Variants in IQCJ observed in about 807,000 individuals in gnomAD.
IQCJ encodes the protein IQ motif containing J, also known as IQ domain-containing protein J.
A neutral mutation model predicts 11.0 loss-of-function variants in IQCJ; 9 were observed. That is an observed-to-expected ratio of 0.82 (90% CI 0.49 to 1.43). IQCJ has a LOEUF of 1.43. Ranked by LOEUF, IQCJ falls within the 40% of genes most tolerant of loss-of-function variation. The probability of loss-of-function intolerance (pLI) is 0.00; values close to 1 mark genes in which losing one functional copy is unlikely to be tolerated. For synonymous variants in IQCJ, 55 were observed against 51.3 expected (o/e 1.07, Z -0.31); for missense variants, 146 against 133.2 (o/e 1.10, Z -0.47).
At chr3:159,198,616 T>G (rs1341302277) in intron 1 of IQCJ, among the ~76,000 whole-genome samples, 1 of 152,118 alleles carries the variant, frequency 6.6e-6, no homozygotes, top group Non-Finnish European at 1.5e-5. Flanking sequence ...AGGGGATGAG[T>G]TAGACCACTT....
intron 2 of IQCJ, among the ~76,000 whole-genome samples, chr3:159,247,358 G>C (rs1323017124): frequency 6.6e-6 from 1 of 152,186 alleles, no homozygotes; most frequent in South Asian, 2.1e-4. Context: ...GCCTCCCAAA[G>C]TGTTGGGATT....
chr3:159,109,431 A>G (rs1398532085), intron 1 of IQCJ, among the ~76,000 whole-genome samples: 1 of 151,832 alleles, frequency 6.6e-6, no homozygotes, highest in Non-Finnish European at 1.5e-5. Flanking sequence ...ACTGCATTTT[A>G]ACTCACAAAT....
chr3:159,179,358 C>T (rs1722961662), intron 1 of IQCJ, among the ~76,000 whole-genome samples: 1 of 152,124 alleles, frequency 6.6e-6, no homozygotes, highest in Admixed American at 6.5e-5. Flanking sequence ...CATCTACTTA[C>T]AGCAGCAGTG....
In IQCJ at chr3:159,262,873, G is replaced by A; in HGVS notation, c.*142G>A. Reference sequence around the variant, plus strand: ...CTCAAAATAAAGACACAATTCATAAGCACAAAGTGAACTTTATCAAGTCTG... The same window carrying A: ...CTCAAAATAAAGACACAATTCATAAACACAAAGTGAACTTTATCAAGTCTG... On this transcript the variant is annotated 3_prime_UTR_variant, in exon 4 of 4. Coordinates refer to ENST00000397832, the MANE Select transcript of IQCJ (RefSeq NM_001042706.3). The A allele has an allele frequency of 7.1e-7, 1 of 1,402,998 alleles. No individual in the cohort carries two copies. Among genetic ancestry groups the A allele is most frequent in the Non-Finnish European group, 9.3e-7 (1 of 1,074,736 alleles). 86.9% of individuals were successfully genotyped at this position (1,402,998 alleles called of 1,614,324 possible).
intron 1 of IQCJ, among the ~76,000 whole-genome samples, chr3:159,088,827 T>C (rs1717003081): frequency 6.6e-6 from 1 of 152,160 alleles, no homozygotes; most frequent in African/African-American, 2.4e-5. Flanking sequence ...GCACGTGAGA[T>C]GGGTTTCCTG....
intron 1 of IQCJ, among the ~76,000 whole-genome samples, chr3:159,186,599 A>G (rs1167060298): frequency 1.3e-5 from 2 of 152,226 alleles, no homozygotes; most frequent in African/African-American, 2.4e-5. Flanking sequence ...TATTAAGGAG[A>G]CAGCCATTAC....
At chr3:159,161,537 C>T (rs10936170) in intron 1 of IQCJ, among the ~76,000 whole-genome samples, 1 of 151,802 alleles carries the variant, frequency 6.6e-6, no homozygotes, top group East Asian at 1.9e-4. Flanking sequence ...TAGTTTAATT[C>T]GATCCCATTT....
Position 159,079,131 on chromosome 3 carries a change from C to G in IQCJ, c.9+9690C>G, listed in dbSNP as rs73025588. Among the ~76,000 whole-genome samples the G allele has an allele frequency of 7.0e-3, 1,072 of 152,188 alleles. 14 individuals carry two copies. Among genetic ancestry groups the G allele is most frequent in the African/African-American group, 0.024 (1,016 of 41,522 alleles). On this transcript the variant is annotated intron_variant, in intron 1 of 3. Transcript: ENST00000397832. ...TTTGAAGGATTCTTCCCTGGAAACA[C>G]AAAGAACCAACTAAGCATGGGCAGG...
intron 1 of IQCJ, among the ~76,000 whole-genome samples, chr3:159,185,104 C>G (rs924431388): frequency 7.9e-5 from 12 of 152,312 alleles, no homozygotes; most frequent in Middle Eastern, 3.4e-3. Context: ...CTCCAGAGCC[C>G]TATCAGGCCC....
chr3:159,231,356 T>C (rs1333425007), intron 1 of IQCJ, among the ~76,000 whole-genome samples: 1 of 152,224 alleles, frequency 6.6e-6, no homozygotes, highest in Non-Finnish European at 1.5e-5. Context: ...GTTTAGGATC[T>C]GGTTTTTAGT....
chr3:159,119,994 T>G (rs1719262657), intron 1 of IQCJ, among the ~76,000 whole-genome samples: 2 of 152,248 alleles, frequency 1.3e-5, no homozygotes. Flanking sequence ...GTATATTTCA[T>G]TAGTAAAAAA....
At chr3:159,155,163 T>C (rs1721447175) in intron 1 of IQCJ, among the ~76,000 whole-genome samples, 2 of 152,136 alleles carry the variant, frequency 1.3e-5, no homozygotes, top group Admixed American at 1.3e-4. Flanking sequence ...GTTATTTATT[T>C]ATTTATTTAT....
rs1718585454 is a variant in IQCJ at position 159,110,926 on chromosome 3, A to G, written c.9+41485A>G. 2.0e-5 allele frequency among the ~76,000 whole-genome samples: 3 copies of G among 152,358 alleles called. No individual in the cohort carries two copies. In the South Asian group the frequency reaches 6.2e-4, roughly 32 times the overall value. ...TTGTGGTTAAAGGGACTTTAGTGCA[A>G]CATTGTGGACAATAGAGACGAAAAG... On this transcript the variant is annotated intron_variant, in intron 1 of 3. Coordinates refer to ENST00000397832, the MANE Select transcript of IQCJ (RefSeq NM_001042706.3).
At chr3:159,250,798 G>T (rs1490345900) in intron 2 of IQCJ, among the ~76,000 whole-genome samples, 1 of 152,160 alleles carries the variant, frequency 6.6e-6, no homozygotes, top group Non-Finnish European at 1.5e-5. Context: ...TGGGGAGAGA[G>T]CCAGATCATA....
At chr3:159,112,805 A>C (rs1718718068) in intron 1 of IQCJ, among the ~76,000 whole-genome samples, 2 of 152,186 alleles carry the variant, frequency 1.3e-5, no homozygotes, top group South Asian at 4.1e-4. Context: ...AGCCCAGATT[A>C]CTAGCTTCCT....
intron 1 of IQCJ, among the ~76,000 whole-genome samples, chr3:159,184,254 A>C (rs1333560014): frequency 6.6e-6 from 1 of 152,038 alleles, no homozygotes; most frequent in Non-Finnish European, 1.5e-5. Flanking sequence ...TTGGGCCTTT[A>C]AACTCATTCT....
At chr3:159,203,588 G>A (rs1577078596) in intron 1 of IQCJ, among the ~76,000 whole-genome samples, 1 of 151,990 alleles carries the variant, frequency 6.6e-6, no homozygotes, top group Non-Finnish European at 1.5e-5. Context: ...TCTCCACAAG[G>A]CACTGTTAAG....
In IQCJ at chr3:159,234,623, G is replaced by A. The variant is rs540680590; in HGVS notation, c.10-11220G>A. 6.9e-4 allele frequency among the ~76,000 whole-genome samples: 105 copies of A among 152,220 alleles called. 2 individuals carry two copies. In the South Asian group the frequency reaches 0.021, roughly 31 times the overall value. On this transcript the variant is annotated intron_variant, in intron 1 of 3. Transcript: ENST00000397832. Reference sequence around the variant, plus strand: ...GATAGAGACCAGCCTGTATAACCCTGTCTCTACAATAATAAAAATAATGTT... The same window carrying A: ...GATAGAGACCAGCCTGTATAACCCTATCTCTACAATAATAAAAATAATGTT...
intron 1 of IQCJ, among the ~76,000 whole-genome samples, chr3:159,088,705 G>C (rs1431348333): frequency 6.6e-6 from 1 of 151,964 alleles, no homozygotes. Context: ...ATCTTTGTTG[G>C]TTTCAAGTCT....
Sources: gnomAD v4.1 joint callset for allele counts (sites outside exome capture counted in the v4.1 genomes callset) on GRCh38, gnomAD v4.1.1 for gene constraint, MANE v1.5 for transcripts, NCBI Gene and HGNC (gene_info 2026-07-23, HGNC 2026-07-21) for gene names.